LYN: variants seen among roughly 807,000 people sequenced by gnomAD.
The protein encoded by LYN is tyrosine-protein kinase Lyn.
Under a neutral mutation model 65.0 loss-of-function variants are expected in LYN, and 12 were observed. The observed-to-expected ratio is 0.18, with a 90% CI of 0.12 to 0.30. LYN has a LOEUF of 0.30. Ranked by LOEUF, LYN falls within the 10% of genes least tolerant of loss-of-function variation. The probability of loss-of-function intolerance (pLI) is 1.00; values close to 1 mark genes in which losing one functional copy is unlikely to be tolerated. For missense variants in LYN, 380 were observed against 623.2 expected, an observed-to-expected ratio of 0.61 and a Z score of 4.16; for synonymous variants, 222 against 221.2, an observed-to-expected ratio of 1.00 and a Z score of -0.03.
At chr8:55,972,508 G>A (rs1807637176) in intron 10 of LYN, among the ~76,000 whole-genome samples, 1 of 152,132 alleles carries the variant, frequency 6.6e-6, no homozygotes, top group African/African-American at 2.4e-5. Flanking sequence ...TCCACTTCTA[G>A]TTTCTGCTCA....
intron 1 of LYN, among the ~76,000 whole-genome samples, chr8:55,928,484 A>G (rs1461288800): frequency 1.3e-5 from 2 of 152,138 alleles, no homozygotes; most frequent in African/African-American, 4.8e-5. Context: ...GTGACATATG[A>G]TATGGAGCAT....
intron 1 of LYN, among the ~76,000 whole-genome samples, chr8:55,903,351 T>C (rs1272223325): frequency 2.0e-5 from 3 of 152,242 alleles, no homozygotes; most frequent in African/African-American, 4.8e-5. Flanking sequence ...TTGAGGTGTT[T>C]ATTTGAAGTA....
At position 55,969,742 on chromosome 8, in the gene LYN, C is replaced by T. The variant is rs1407764525; in HGVS notation, c.999C>T (p.Ser333=). 2 of 1,614,030 alleles carry T rather than the reference C, an allele frequency of 1.2e-6. No homozygotes were observed. The highest frequency in any genetic ancestry group is 1.7e-6 in the Non-Finnish European group (2 of 1,179,906). Residue 333 remains serine (S), a synonymous_variant, in exon 10 of 13, where the codon AGC becomes AGT. Transcript: ENST00000519728. ...GCAGTTTGCTGGATTTCCTGAAGAG[C>T]GATGAAGGTGGCAAAGTGCTGCTTC... ...AKGSLLDFLK[S]DEGGKVLLPK... is the part of the protein sequence containing the mutation.
At chr8:55,897,910 C>A (rs1367800742) in intron 1 of LYN, among the ~76,000 whole-genome samples, 13 of 151,944 alleles carry the variant, frequency 8.6e-5, no homozygotes, top group Admixed American at 8.5e-4. Flanking sequence ...GGCCCTGTCT[C>A]ACAAACAACA....
intron 10 of LYN, among the ~76,000 whole-genome samples, chr8:55,990,239 CAA>C (rs34461698): frequency 6.6e-4 from 30 of 45,390 alleles, no homozygotes; most frequent in East Asian, 6.0e-3. Context: ...ACTCTGCCTC[CAA>C]AAAAAAAAAA....
chr8:56,002,604 A>ACAATT lies in LYN; in HGVS notation c.1336+3055_1336+3056insCAATT, dbSNP rs778257744. Among the ~76,000 whole-genome samples, 98 of 145,064 alleles carry ACAATT rather than the reference A, an allele frequency of 6.8e-4. 1 individual carries two copies. The highest frequency in any genetic ancestry group is 1.5e-4 in the Non-Finnish European group (10 of 67,274). On this transcript the variant is annotated intron_variant, in intron 12 of 12. Transcript: ENST00000519728. Reference sequence around the variant, plus strand: ...GCGACAGGAAGGAGACTCCATCTCAAAAATTAAATTAAATTAAATTAAATT... The same window carrying ACAATT: ...GCGACAGGAAGGAGACTCCATCTCAACAATTAAATTAAATTAAATTAAATTAAATT...
chr8:56,000,049 C>T (rs1808473061), intron 12 of LYN, among the ~76,000 whole-genome samples: 1 of 152,170 alleles, frequency 6.6e-6, no homozygotes, highest in African/African-American at 2.4e-5. Context: ...CACTTCTTTG[C>T]CTCCTTATTT....
intron 1 of LYN, among the ~76,000 whole-genome samples, chr8:55,900,003 C>T (rs932776632): frequency 4.0e-5 from 6 of 151,186 alleles, no homozygotes; most frequent in African/African-American, 7.4e-5. Context: ...TGTCACTGTA[C>T]GAGGTGGAGC....
chr8:55,961,990 C>A (rs1218576072), intron 8 of LYN, among the ~76,000 whole-genome samples: 1 of 152,132 alleles, frequency 6.6e-6, no homozygotes, highest in East Asian at 1.9e-4. Flanking sequence ...GTATGCATCC[C>A]CCCAAAATAT....
chr8:55,984,095 G>A (rs139236226), intron 10 of LYN, among the ~76,000 whole-genome samples: 5 of 152,110 alleles, frequency 3.3e-5, no homozygotes, highest in African/African-American at 1.2e-4. Flanking sequence ...ACCTTCCTCT[G>A]CCTTCTCTCA....
intron 1 of LYN, among the ~76,000 whole-genome samples, chr8:55,938,676 T>C (rs1177721709): frequency 6.6e-6 from 1 of 152,260 alleles, no homozygotes; most frequent in African/African-American, 2.4e-5. Flanking sequence ...TGGTAAAACA[T>C]TTTAAAGCTT....
At chr8:55,953,718 C>T in intron 7 of LYN, 114 bp from the exon 8 acceptor site, 1 of 834,966 alleles carries the variant, frequency 1.2e-6, no homozygotes, top group Non-Finnish European at 1.8e-6. Flanking sequence ...CATTTTAGTT[C>T]ACAGACTGCG....
At chr8:55,896,260 A>T (rs1805095439) in intron 1 of LYN, among the ~76,000 whole-genome samples, 1 of 151,866 alleles carries the variant, frequency 6.6e-6, no homozygotes, top group Non-Finnish European at 1.5e-5. Context: ...GCAGAGCAAG[A>T]CTCTCATCTC....
In LYN at chr8:56,012,043, C is replaced by T. The variant is rs955873280; in HGVS notation, c.*1933C>T. 21 of 190,526 alleles carry T rather than the reference C, an allele frequency of 1.1e-4. No individual in the cohort carries two copies. The East Asian group carries it at 1.3e-3, about 12-fold the overall frequency. 11.8% of individuals were successfully genotyped at this position (190,526 alleles called of 1,614,324 possible). On this transcript the variant is annotated 3_prime_UTR_variant, in exon 13 of 13. Coordinates refer to ENST00000519728, the MANE Select transcript of LYN (RefSeq NM_002350.4). Reference sequence around the variant, plus strand: ...TTTATCTTCGCCTTGTTTTGCTTCTCCCAGTTCCTCCTCTTCTTGCCATTT... The same window carrying T: ...TTTATCTTCGCCTTGTTTTGCTTCTTCCAGTTCCTCCTCTTCTTGCCATTT...
At chr8:55,927,768 A>T (rs1806148812) in intron 1 of LYN, among the ~76,000 whole-genome samples, 2 of 152,100 alleles carry the variant, frequency 1.3e-5, no homozygotes, top group African/African-American at 4.8e-5. Context: ...CCTGGGAGGC[A>T]GAGGTTACAG....
At chr8:55,964,711 A>G (rs1175428611) in intron 8 of LYN, among the ~76,000 whole-genome samples, 1 of 152,200 alleles carries the variant, frequency 6.6e-6, no homozygotes, top group Non-Finnish European at 1.5e-5. Flanking sequence ...TCCTGGAAAA[A>G]AGAAAGAGAA....
chr8:55,896,507 G>C (rs1009540151), intron 1 of LYN, among the ~76,000 whole-genome samples: 1 of 151,952 alleles, frequency 6.6e-6, no homozygotes, highest in Non-Finnish European at 1.5e-5. Context: ...CCTGTCGGGG[G>C]GTGGGGGGCC....
At chr8:55,920,787 C>T (rs1373610676) in intron 1 of LYN, among the ~76,000 whole-genome samples, 3 of 148,558 alleles carry the variant, frequency 2.0e-5, no homozygotes, top group Non-Finnish European at 4.5e-5. Flanking sequence ...TTCCCCACCA[C>T]CCCCCCACCG....
chr8:55,889,645 C>T (rs965023766), intron 1 of LYN, among the ~76,000 whole-genome samples: 18 of 152,098 alleles, frequency 1.2e-4, no homozygotes, highest in Non-Finnish European at 1.5e-5. Context: ...ACCAGAATGC[C>T]GATCAAAGAC....
Sources: gnomAD v4.1 joint callset for allele counts (sites outside exome capture counted in the v4.1 genomes callset) on GRCh38, gnomAD v4.1.1 for gene constraint, MANE v1.5 for transcripts, NCBI Gene and HGNC (gene_info 2026-07-23, HGNC 2026-07-21) for gene names.